Variants in RNF220 observed in about 807,000 individuals in gnomAD.
RNF220 encodes E3 ubiquitin-protein ligase RNF220.
RNF220 carries 7 observed loss-of-function variants against 67.1 expected under a neutral mutation model. The observed-to-expected ratio is 0.10, with a 90% CI of 0.06 to 0.20. The LOEUF (loss-of-function observed/expected upper bound fraction) is 0.20, where lower values mean the gene tolerates loss of function less well. RNF220 is among the 10% of genes least tolerant of loss of function. The pLI is 1.00. For synonymous variants in RNF220, 270 were observed against 283.2 expected (o/e 0.95, Z 0.47); for missense variants, 565 against 740.3 (o/e 0.76, Z 2.75).
chr1:44,625,594 C>T (rs1369961410), intron 4 of RNF220, among the ~76,000 whole-genome samples: 1 of 152,258 alleles, frequency 6.6e-6, no homozygotes, highest in Non-Finnish European at 1.5e-5. Flanking sequence ...GGATTGCTTT[C>T]AGGCCTCCAG....
At position 44,649,618 on chromosome 1, in the gene RNF220, A is replaced by G; in HGVS notation, c.1446-43A>G. 1.9e-6 allele frequency: 3 copies of G among 1,571,460 alleles called. No homozygotes were observed. Among genetic ancestry groups the G allele is most frequent in the Non-Finnish European group, 8.8e-7 (1 of 1,141,480 alleles). On this transcript the variant is annotated intron_variant, in intron 12 of 14. Transcript: ENST00000361799. This position sits in a 1 kb window ranked among gnomAD's most constrained non-coding sequence, Gnocchi z 5.9. ...GAGGCGTAGGCTGGAGGTACAGATG[A>G]GAGATGCCAGCCTGCTACCCAACCA... is the stretch of plus-strand genomic sequence containing the variant.
At chr1:44,495,209 T>C (rs1657226861) in intron 2 of RNF220, among the ~76,000 whole-genome samples, 1 of 149,536 alleles carries the variant, frequency 6.7e-6, no homozygotes, top group Admixed American at 6.7e-5. Flanking sequence ...TGAGACCCTG[T>C]CTCAAAAAAC....
chr1:44,409,453 C>A (rs1275662635), intron 1 of RNF220, among the ~76,000 whole-genome samples: 1 of 152,198 alleles, frequency 6.6e-6, no homozygotes, highest in South Asian at 2.1e-4. Context: ...TGTCTTCAGC[C>A]CTTCTTTCTC....
chr1:44,417,883 T>C lies in RNF220; in HGVS notation c.625+5161T>C, dbSNP rs534826021. 8.6e-5 allele frequency among the ~76,000 whole-genome samples: 13 copies of C among 151,990 alleles called. No homozygotes were observed. Among genetic ancestry groups the C allele is most frequent in the African/African-American group, 2.9e-4 (12 of 41,492 alleles). ...CGGCTTGCAAGTGGTTTCAGAAATGTTGGTGATCTCGCCGTCGCTCTGCAG... is the reference window on the plus strand; with the variant it reads ...CGGCTTGCAAGTGGTTTCAGAAATGCTGGTGATCTCGCCGTCGCTCTGCAG... On this transcript the variant is annotated intron_variant, in intron 2 of 14. Coordinates refer to ENST00000361799, the MANE Select transcript of RNF220 (RefSeq NM_018150.4). This position sits in a 1 kb window ranked among gnomAD's most constrained non-coding sequence, Gnocchi z 4.0.
intron 2 of RNF220, among the ~76,000 whole-genome samples, chr1:44,454,369 G>A (rs982990358): frequency 6.6e-6 from 1 of 151,970 alleles, no homozygotes; most frequent in Non-Finnish European, 1.5e-5. Flanking sequence ...ATGTATACTG[G>A]AAAATCATGG....
intron 1 of RNF220, among the ~76,000 whole-genome samples, chr1:44,406,090 G>C (rs1647301676): frequency 6.6e-6 from 1 of 152,198 alleles, no homozygotes; most frequent in Non-Finnish European, 1.5e-5. Flanking sequence ...GAGAAGGGGC[G>C]AGCCGAATGA....
At chr1:44,562,373 C>T (rs139517818) in intron 2 of RNF220, among the ~76,000 whole-genome samples, 155 of 152,272 alleles carry the variant, frequency 1.0e-3, no homozygotes, top group South Asian at 4.1e-3. Flanking sequence ...TGTCAGGGCC[C>T]GCTTGTGATG....
intron 2 of RNF220, among the ~76,000 whole-genome samples, chr1:44,468,271 A>G (rs1372080384): frequency 6.6e-6 from 1 of 152,132 alleles, no homozygotes; most frequent in Non-Finnish European, 1.5e-5. Context: ...AGACATTCGC[A>G]TATATTGCTA....
chr1:44,531,425 G>C (rs11577681), intron 2 of RNF220, among the ~76,000 whole-genome samples: 23,694 of 152,132 alleles, frequency 0.16, 2,198 homozygotes, highest in Middle Eastern at 0.29. Flanking sequence ...TCATCTCCCT[G>C]GTGGACTCAC....
At chr1:44,423,188 C>T (rs1649412151) in intron 2 of RNF220, among the ~76,000 whole-genome samples, 1 of 152,160 alleles carries the variant, frequency 6.6e-6, no homozygotes, top group African/African-American at 2.4e-5. Flanking sequence ...GAGCAAGTGA[C>T]CTTTACGCTG....
intron 2 of RNF220, among the ~76,000 whole-genome samples, chr1:44,507,480 G>A (rs1396273302): frequency 6.6e-6 from 1 of 151,994 alleles, no homozygotes; most frequent in Non-Finnish European, 1.5e-5. Flanking sequence ...GGGGAAGAGG[G>A]GATGGCTTTA....
chr1:44,549,002 T>C (rs1422243001), intron 2 of RNF220, among the ~76,000 whole-genome samples: 1 of 152,010 alleles, frequency 6.6e-6, no homozygotes, highest in Non-Finnish European at 1.5e-5. Context: ...GCCTGGGCAA[T>C]GTGGTTAAAC....
chr1:44,463,790 A>C (rs1301792151), intron 2 of RNF220, among the ~76,000 whole-genome samples: 1 of 151,970 alleles, frequency 6.6e-6, no homozygotes, highest in Non-Finnish European at 1.5e-5. Flanking sequence ...GCTGAGAGCC[A>C]CTCCCTTCTA....
At position 44,509,884 on chromosome 1, in the gene RNF220, C is replaced by CAAAAAAAAAAAAAAAAAA. The variant is rs1557996558; in HGVS notation, c.625+97162_625+97163insAAAAAAAAAAAAAAAAAA. Among the ~76,000 whole-genome samples, 3 of 80,408 alleles carry CAAAAAAAAAAAAAAAAAA rather than the reference C, an allele frequency of 3.7e-5. 1 individual carries two copies. The highest frequency in any genetic ancestry group is 7.1e-5 in the Non-Finnish European group (3 of 42,500). The allele number at this position is 80,408 out of a possible 152,430, so 52.8% of individuals were successfully genotyped here. A position where few individuals can be genotyped will look rare whatever the true frequency, so the allele number is the denominator to read the frequency against. ...CCTGGGTGACAGAGCGAGACCCTGT[C>CAAAAAAAAAAAAAAAAAA]CAAAAAAAAAAAAAAAAAAAAAGGA... is the stretch of plus-strand genomic sequence containing the variant. On this transcript the variant is annotated intron_variant, in intron 2 of 14. Transcript: ENST00000361799.
chr1:44,619,417 C>T (rs921738705), intron 3 of RNF220, among the ~76,000 whole-genome samples: 3 of 152,180 alleles, frequency 2.0e-5, no homozygotes, highest in Non-Finnish European at 2.9e-5. Context: ...AGGCCGGCCT[C>T]GGTGTTTGGT....
At chr1:44,505,859 C>T (rs1658368611) in intron 2 of RNF220, among the ~76,000 whole-genome samples, 1 of 152,076 alleles carries the variant, frequency 6.6e-6, no homozygotes, top group Non-Finnish European at 1.5e-5. Flanking sequence ...TTCTTCGTTT[C>T]TCCCTTGACC....
At chr1:44,445,123 C>A in intron 2 of RNF220, among the ~76,000 whole-genome samples, 1 of 152,084 alleles carries the variant, frequency 6.6e-6, no homozygotes. Context: ...GCTAGAGCAC[C>A]TTTTCATATG....
At position 44,651,002 on chromosome 1, in the gene RNF220, G is replaced by A; in HGVS notation, c.*227G>A. On this transcript the variant is annotated 3_prime_UTR_variant, in exon 15 of 15. Transcript: ENST00000361799. The stretch of plus-strand genomic sequence containing the variant: ...TGCTGGCTCCCACCTATGGTTTGGG[G>A]GCCATACCTGTTCCAGCTCTGTTCC... 1.8e-6 allele frequency: 1 copy of A among 561,024 alleles called. No individual in the cohort carries two copies. The highest frequency in any genetic ancestry group is 3.3e-6 in the Non-Finnish European group (1 of 305,850). 34.8% of individuals were successfully genotyped at this position (561,024 alleles called of 1,614,324 possible).
At chr1:44,495,515 C>G (rs951527922) in intron 2 of RNF220, among the ~76,000 whole-genome samples, 4 of 152,160 alleles carry the variant, frequency 2.6e-5, no homozygotes, top group Non-Finnish European at 2.9e-5. Flanking sequence ...GGGAACGTAA[C>G]CTAATTTAGT....
Sources: gnomAD v4.1 joint callset for allele counts (sites outside exome capture counted in the v4.1 genomes callset) on GRCh38, gnomAD v4.1.1 for gene constraint, Gnocchi (gnomAD v3.1) non-coding constraint, MANE v1.5 for transcripts, NCBI Gene and HGNC (gene_info 2026-07-23, HGNC 2026-07-21) for gene names.